Variants in MAGI2 observed in about 807,000 individuals in gnomAD.
The protein encoded by MAGI2 is membrane-associated guanylate kinase, WW and PDZ domain-containing protein 2.
In MAGI2, 35 loss-of-function variants were observed where a neutral mutation model predicts 133.3. The ratio of observed to expected loss-of-function variants is 0.26; its 90% CI spans 0.20 to 0.35. The LOEUF (loss-of-function observed/expected upper bound fraction) is 0.35, where lower values mean the gene tolerates loss of function less well. MAGI2 is among the 10% of genes least tolerant of loss of function. The pLI, the probability that MAGI2 is intolerant of heterozygous loss-of-function variation, is 1.00. For missense variants in MAGI2, 1,636 were observed against 1,863.4 expected, an observed-to-expected ratio of 0.88 and a Z score of 2.25; for synonymous variants, 729 against 710.6, an observed-to-expected ratio of 1.03 and a Z score of -0.41.
intron 1 of MAGI2, among the ~76,000 whole-genome samples, chr7:79,379,993 A>G (rs1168406817): frequency 6.6e-6 from 1 of 151,728 alleles, no homozygotes; most frequent in Non-Finnish European, 1.5e-5. Flanking sequence ...CACAAAAATT[A>G]ATTCAAGATG....
intron 2 of MAGI2, among the ~76,000 whole-genome samples, chr7:78,968,051 G>C (rs1039058176): frequency 2.6e-4 from 40 of 152,076 alleles, no homozygotes; most frequent in African/African-American, 8.9e-4. Context: ...GGCTGGTCTT[G>C]AACTCCTGAG....
intron 21 of MAGI2, among the ~76,000 whole-genome samples, chr7:78,030,942 T>C (rs1053130848): frequency 1.3e-5 from 2 of 152,214 alleles, no homozygotes; most frequent in Admixed American, 6.5e-5. Flanking sequence ...GTGACTTTAT[T>C]CATAATCACC....
intron 2 of MAGI2, among the ~76,000 whole-genome samples, chr7:78,713,834 C>G (rs1819445911): frequency 6.6e-6 from 1 of 152,074 alleles, no homozygotes; most frequent in African/African-American, 2.4e-5. Flanking sequence ...CTCACGTATT[C>G]TCAATTGATT....
In MAGI2 at chr7:78,741,419, AC is replaced by A. The variant is rs1389188270; in HGVS notation, c.419-114181del. Among the ~76,000 whole-genome samples, 463 of 117,238 alleles carry A rather than the reference AC, an allele frequency of 3.9e-3. 1 individual carries two copies. Among genetic ancestry groups the A allele is most frequent in the Middle Eastern group, 0.017 (4 of 242 alleles). 76.9% of individuals were successfully genotyped at this position (117,238 alleles called of 152,430 possible). On this transcript the variant is annotated intron_variant, in intron 2 of 21. Coordinates refer to ENST00000354212, the MANE Select transcript of MAGI2 (RefSeq NM_012301.4). ...CACACACACACACACACACACACACACACACACACGGGAGGGGGGTTAGATC... is the reference window on the plus strand; with the variant it reads ...CACACACACACACACACACACACACAACACACACGGGAGGGGGGTTAGATC...
At chr7:79,152,364 T>C (rs937968476) in intron 1 of MAGI2, among the ~76,000 whole-genome samples, 8 of 152,346 alleles carry the variant, frequency 5.3e-5, no homozygotes, top group Non-Finnish European at 1.0e-4. Context: ...CACCTTGTGC[T>C]TTTTGGTAGG....
chr7:79,421,714 A>G (rs1846971185), intron 1 of MAGI2, among the ~76,000 whole-genome samples: 1 of 151,962 alleles, frequency 6.6e-6, no homozygotes, highest in Non-Finnish European at 1.5e-5. Context: ...AGTTACAGCC[A>G]TTACTCTGAA....
chr7:78,615,680 T>C (rs1271137676), intron 3 of MAGI2: 1 of 152,216 alleles, frequency 6.6e-6, no homozygotes, highest in Non-Finnish European at 1.5e-5. Flanking sequence ...AGAAGAAAAC[T>C]CATTGGAAAA....
At chr7:78,596,494 G>C (rs1412446123) in intron 3 of MAGI2, among the ~76,000 whole-genome samples, 1 of 152,168 alleles carries the variant, frequency 6.6e-6, no homozygotes, top group Non-Finnish European at 1.5e-5. Context: ...GATGGGAACA[G>C]AGCAAAAGGA....
chr7:79,016,254 C>T (rs1808714730), intron 1 of MAGI2, among the ~76,000 whole-genome samples: 1 of 152,078 alleles, frequency 6.6e-6, no homozygotes, highest in Non-Finnish European at 1.5e-5. Context: ...AACTTAAGGC[C>T]TAAGAAAACT....
intron 1 of MAGI2, among the ~76,000 whole-genome samples, chr7:79,304,758 T>G (rs1837656157): frequency 6.6e-6 from 1 of 152,234 alleles, no homozygotes. Context: ...TCAAGTGCTA[T>G]GGCCATCTCT....
intron 9 of MAGI2, among the ~76,000 whole-genome samples, chr7:78,342,833 T>C (rs1269492385): frequency 6.6e-6 from 1 of 152,052 alleles, no homozygotes; most frequent in African/African-American, 2.4e-5. Flanking sequence ...AGGGGAGGGA[T>C]AGCATTTGGA....
At chr7:78,506,047 C>A (rs996620135) in intron 4 of MAGI2, among the ~76,000 whole-genome samples, 3 of 152,144 alleles carry the variant, frequency 2.0e-5, no homozygotes, top group African/African-American at 7.2e-5. Flanking sequence ...AAGCAGATGA[C>A]AAAATTAGAT....
intron 6 of MAGI2, among the ~76,000 whole-genome samples, chr7:78,459,149 C>T (rs1397773737): frequency 1.3e-5 from 2 of 152,124 alleles, no homozygotes; most frequent in Non-Finnish European, 2.9e-5. Context: ...TTCTGTCAAT[C>T]CATGTTTAAC....
At chr7:78,349,499 C>G (rs1418848179) in intron 7 of MAGI2, among the ~76,000 whole-genome samples, 1 of 152,164 alleles carries the variant, frequency 6.6e-6, no homozygotes, top group Non-Finnish European at 1.5e-5. Context: ...AACTTTCCAC[C>G]TGCATGTAAT....
intron 2 of MAGI2, among the ~76,000 whole-genome samples, chr7:78,632,266 A>C (rs1006227729): frequency 6.6e-6 from 1 of 152,262 alleles, no homozygotes; most frequent in Non-Finnish European, 1.5e-5. Flanking sequence ...ATAGTATGCT[A>C]TAAAGGGTTA....
rs73701470 is a variant in MAGI2 at position 78,411,958 on chromosome 7, T to C, written c.1046-42745A>G. ...TACATTTTTTAAATGACGGTATAAA[T>C]TTTGGTCCTAAGGCTTTGGCAATTT... On this transcript the variant is annotated intron_variant, in intron 6 of 21. Coordinates refer to ENST00000354212, the MANE Select transcript of MAGI2 (RefSeq NM_012301.4). Among the ~76,000 whole-genome samples the C allele has an allele frequency of 6.7e-3, 1,017 of 152,150 alleles. 8 individuals carry two copies. The highest frequency in any genetic ancestry group is 0.023 in the African/African-American group (959 of 41,536).
intron 1 of MAGI2, among the ~76,000 whole-genome samples, chr7:79,281,681 A>G (rs1277540383): frequency 6.6e-6 from 1 of 152,164 alleles, no homozygotes; most frequent in Non-Finnish European, 1.5e-5. Flanking sequence ...GAAGTTATGG[A>G]AAAAGTAGAT....
chr7:78,494,460 C>T (rs1257686397), intron 5 of MAGI2, among the ~76,000 whole-genome samples: 1 of 152,076 alleles, frequency 6.6e-6, no homozygotes, highest in Non-Finnish European at 1.5e-5. Context: ...ATAGATCATG[C>T]CATATTCTAT....
At chr7:78,669,568 T>G (rs1319060824) in intron 2 of MAGI2, among the ~76,000 whole-genome samples, 1 of 152,122 alleles carries the variant, frequency 6.6e-6, no homozygotes, top group African/African-American at 2.4e-5. Context: ...CTAACTCATT[T>G]TATGAGGCCA....
Sources: allele counts gnomAD v4.1 joint callset (sites outside exome capture counted in the v4.1 genomes callset), GRCh38; gene constraint gnomAD v4.1.1; transcripts MANE v1.5; gene names NCBI Gene and HGNC (gene_info 2026-07-23, HGNC 2026-07-21).